LIN9: variants seen among roughly 807,000 people sequenced by gnomAD.
LIN9 encodes the protein protein lin-9 homolog.
A neutral mutation model predicts 78.0 loss-of-function variants in LIN9; 18 were observed. The ratio of observed to expected loss-of-function variants is 0.23; its 90% confidence interval spans 0.16 to 0.34. The LOEUF (loss-of-function observed/expected upper bound fraction) is 0.34, where lower values mean the gene tolerates loss of function less well. Ranked by LOEUF, LIN9 falls within the 10% of genes least tolerant of loss-of-function variation. The pLI, the probability that LIN9 is intolerant of heterozygous loss-of-function variation, is 1.00. For synonymous variants in LIN9, 192 were observed against 215.2 expected (o/e 0.89, Z 0.94); for missense variants, 451 against 644.1 (o/e 0.70, Z 3.25).
intron 8 of LIN9, among the ~76,000 whole-genome samples, chr1:226,266,719 A>C (rs1473445743): frequency 3.9e-5 from 6 of 152,086 alleles, no homozygotes; most frequent in Non-Finnish European, 7.4e-5. Flanking sequence ...TTATTTAGCC[A>C]GGGAGAAATA....
intron 5 of LIN9, among the ~76,000 whole-genome samples, chr1:226,287,145 A>G (rs1661424698): frequency 6.6e-6 from 1 of 152,186 alleles, no homozygotes; most frequent in South Asian, 2.1e-4. Context: ...GATTATAAAT[A>G]AGAACTTTTC....
chr1:226,262,887 AT>A (rs1659681946), intron 10 of LIN9, among the ~76,000 whole-genome samples: 1 of 152,164 alleles, frequency 6.6e-6, no homozygotes, highest in Admixed American at 6.5e-5. Flanking sequence ...AGCAACCAAG[AT>A]GTCTTTCAGT....
Position 226,296,049 on chromosome 1 carries a change from A to G in LIN9, c.160-103T>C, listed in dbSNP as rs1662129768. On this transcript the variant is annotated intron_variant, in intron 3 of 14. Transcript: ENST00000681046. ...AAAACTGAGCTAACTCTGGATTATC[A>G]GCAGTATGGAAGGATAAAGTATGGG... The G allele has an allele frequency of 4.3e-6, 3 of 691,746 alleles. No individual in the cohort carries two copies. In the South Asian group the frequency reaches 5.7e-5, roughly 13 times the overall value. The allele number at this position is 691,746 out of a possible 1,614,324, so 42.9% of individuals were successfully genotyped here.
intron 10 of LIN9, among the ~76,000 whole-genome samples, chr1:226,252,281 A>AAAAT (rs59130234): frequency 0.031 from 4,432 of 140,772 alleles, 87 homozygotes; most frequent in Middle Eastern, 0.046. Context: ...ACCCCATCTC[A>AAAAT]AAATAAATAA....
At chr1:226,292,647 G>C (rs1210764556) in intron 4 of LIN9, among the ~76,000 whole-genome samples, 1 of 152,054 alleles carries the variant, frequency 6.6e-6, no homozygotes, top group Non-Finnish European at 1.5e-5. Flanking sequence ...TTTTTGTAGA[G>C]ACAGGGTCTC....
At chr1:226,247,395 T>C (rs1040539709) in intron 11 of LIN9, among the ~76,000 whole-genome samples, 1 of 152,126 alleles carries the variant, frequency 6.6e-6, no homozygotes, top group Non-Finnish European at 1.5e-5. Context: ...TATAAAAATT[T>C]ATAGAAATAA....
intron 12 of LIN9, among the ~76,000 whole-genome samples, chr1:226,238,751 C>G (rs769709149): frequency 2.6e-5 from 4 of 152,018 alleles, no homozygotes; most frequent in Non-Finnish European, 2.9e-5. Context: ...TTTGGAGGGC[C>G]TTATTTGTAT....
chr1:226,303,569 A>T (rs1039770274), intron 1 of LIN9, among the ~76,000 whole-genome samples: 1 of 152,092 alleles, frequency 6.6e-6, no homozygotes, highest in East Asian at 1.9e-4. Flanking sequence ...GATTCTGACC[A>T]ATCACCTTTA....
intron 1 of LIN9, among the ~76,000 whole-genome samples, chr1:226,302,271 C>T (rs923949310): frequency 3.9e-5 from 6 of 151,944 alleles, no homozygotes; most frequent in African/African-American, 1.5e-4. Flanking sequence ...AGGCCGGGTG[C>T]GGTGGCTCAC....
At chr1:226,289,278 T>C (rs1661576168) in intron 4 of LIN9, among the ~76,000 whole-genome samples, 1 of 151,966 alleles carries the variant, frequency 6.6e-6, no homozygotes. Flanking sequence ...AAAAAGAATA[T>C]GTGATAATAT....
chr1:226,289,838 G>GC (rs1416788756), intron 4 of LIN9, among the ~76,000 whole-genome samples: 29 of 59,168 alleles, frequency 4.9e-4, no homozygotes, highest in African/African-American at 9.1e-4. Flanking sequence ...GTCCTCCGGG[G>GC]GGGGGGGTGG....
intron 4 of LIN9, among the ~76,000 whole-genome samples, chr1:226,292,424 T>G (rs1661849926): frequency 6.6e-6 from 1 of 152,034 alleles, no homozygotes. Flanking sequence ...CCTCCCAAAG[T>G]GCTACAGGCG....
intron 7 of LIN9, among the ~76,000 whole-genome samples, chr1:226,270,508 A>C (rs1660195263): frequency 6.6e-6 from 1 of 152,212 alleles, no homozygotes. Context: ...GATATTTAGC[A>C]AAGACTTAAA....
rs7521168 is a variant in LIN9 at position 226,267,318 on chromosome 1, A to G, written c.816+639T>C. Among the ~76,000 whole-genome samples the G allele has an allele frequency of 3.9e-4, 55 of 140,876 alleles. 1 individual carries two copies. Among genetic ancestry groups the G allele is most frequent in the South Asian group, 1.1e-3 (5 of 4,362 alleles). The allele number at this position is 140,876 out of a possible 152,430, so 92.4% of individuals were successfully genotyped here. ...ATGTGTGTGTATATATATTATGTATATATGTATGTATGTATGTATGTATGT... is the reference window on the plus strand; with the variant it reads ...ATGTGTGTGTATATATATTATGTATGTATGTATGTATGTATGTATGTATGT... On this transcript the variant is annotated intron_variant, in intron 8 of 14. Transcript: ENST00000681046.
At chr1:226,289,842 G>GGT (rs1553283421) in intron 4 of LIN9, among the ~76,000 whole-genome samples, 1 of 66,072 alleles carries the variant, frequency 1.5e-5, no homozygotes, top group African/African-American at 5.3e-5. Flanking sequence ...TCCGGGGGGG[G>GGT]GGGTGGGGGG....
intron 10 of LIN9, among the ~76,000 whole-genome samples, chr1:226,259,513 G>A (rs768219167): frequency 5.5e-4 from 84 of 152,086 alleles, no homozygotes; most frequent in African/African-American, 1.8e-3. Context: ...ACTCAAGGTC[G>A]TGCGGAAAAT....
rs117801567 is a variant in LIN9 at position 226,272,771 on chromosome 1, C to T, written c.683-4681G>A. Among the ~76,000 whole-genome samples, 190 of 152,216 alleles carry T rather than the reference C, an allele frequency of 1.2e-3. 4 individuals are homozygous for T. In the East Asian group the frequency reaches 0.033, roughly 27 times the overall value. ...GTTCTATATAAAGGCTAAGCCGTCA[C>T]AGCTGTAGATCATGTGCCTGCCTTT... On this transcript the variant is annotated intron_variant, in intron 7 of 14. Coordinates refer to ENST00000681046, the MANE Select transcript of LIN9 (RefSeq NM_001366245.2).
upstream of LIN9, chr1:226,309,373 C>T (rs1190325499): frequency 1.0e-6 from 1 of 987,426 alleles, no homozygotes; most frequent in Non-Finnish European, 1.2e-6. Context: ...CCGGCCGAGC[C>T]GGGCGGGAGG....
chr1:226,235,248 G>A (rs866449487), intron 12 of LIN9, among the ~76,000 whole-genome samples: 2 of 147,534 alleles, frequency 1.4e-5, no homozygotes, highest in African/African-American at 2.5e-5. Flanking sequence ...CTTGAACCCC[G>A]GAGGCAGAGG....
Sources: allele counts gnomAD v4.1 joint callset (sites outside exome capture counted in the v4.1 genomes callset), GRCh38; gene constraint gnomAD v4.1.1; transcripts MANE v1.5; gene names NCBI Gene and HGNC (gene_info 2026-07-23, HGNC 2026-07-21).